DNAAF9: variants seen among roughly 807,000 people sequenced by gnomAD.
DNAAF9 encodes dynein axonemal assembly factor 9.
In DNAAF9, 90 loss-of-function variants were observed where a neutral mutation model predicts 167.0. The ratio of observed to expected loss-of-function variants is 0.54; its 90% CI spans 0.45 to 0.64. The LOEUF (loss-of-function observed/expected upper bound fraction) is 0.64. Ranked by LOEUF, DNAAF9 falls within the 30% of genes least tolerant of loss-of-function variation. DNAAF9 has a pLI of 0.00. For missense variants in DNAAF9, 1,315 were observed against 1,442.2 expected, an observed-to-expected ratio of 0.91 and a Z score of 1.43; for synonymous variants, 491 against 508.8, an observed-to-expected ratio of 0.96 and a Z score of 0.47.
At chr20:3,309,183 T>G (rs2069358453) in intron 20 of DNAAF9, among the ~76,000 whole-genome samples, 1 of 152,122 alleles carries the variant, frequency 6.6e-6, no homozygotes, top group African/African-American at 2.4e-5. Context: ...TTCAAAAAAC[T>G]TGTTGGTTTT....
At chr20:3,268,366 G>A (rs1452781727) in intron 30 of DNAAF9, among the ~76,000 whole-genome samples, 3 of 134,418 alleles carry the variant, frequency 2.2e-5, no homozygotes, top group Admixed American at 7.5e-5. Flanking sequence ...GTTTCTCTTT[G>A]TCGCCCACCT....
At chr20:3,386,337 ACT>A (rs2083736967) in intron 1 of DNAAF9, among the ~76,000 whole-genome samples, 1 of 152,198 alleles carries the variant, frequency 6.6e-6, no homozygotes, top group African/African-American at 2.4e-5. Flanking sequence ...CACAAGTACA[ACT>A]AACTAATTTT....
At chr20:3,318,234 CA>C (rs59462924) in intron 17 of DNAAF9, 54 bp downstream of exon 17, 60,437 of 613,966 alleles carry the variant, frequency 0.098, 1,547 homozygotes, top group African/African-American at 0.27. Context: ...TTTATTTTGC[CA>C]AAAAAAAAAA....
chr20:3,268,896 A>ACTTTT (rs2068536388), intron 30 of DNAAF9, among the ~76,000 whole-genome samples: 1 of 80,840 alleles, frequency 1.2e-5, no homozygotes, highest in Non-Finnish European at 2.5e-5. Context: ...TCTCTATGTT[A>ACTTTT]CTTTTTTTTT....
In DNAAF9 at chr20:3,304,440, C is replaced by A; in HGVS notation, c.1782G>T (p.Gly594=). ...AGCCACTGACTAGTAAAACACCTAC[C>A]CCATCATAGAAGGAAATGGAATTCA... The part of the protein sequence containing the change: ...DHMNSISFYD[G]DSTSTVAALL... The change falls in exon 21 of 37, where the codon GGG becomes GGT. Residue 594 remains glycine (G), a splice_region_variant and synonymous_variant. Coordinates refer to ENST00000252032, the MANE Select transcript of DNAAF9 (RefSeq NM_001009984.3). 7.4e-7 allele frequency: 1 copy of A among 1,347,218 alleles called. No homozygotes were observed. Among genetic ancestry groups the A allele is most frequent in the African/African-American group, 1.4e-5 (1 of 69,886 alleles). 83.5% of individuals were successfully genotyped at this position (1,347,218 alleles called of 1,614,324 possible).
intron 6 of DNAAF9, among the ~76,000 whole-genome samples, chr20:3,372,840 C>T (rs1356638862): frequency 1.3e-5 from 2 of 152,182 alleles, no homozygotes; most frequent in Non-Finnish European, 2.9e-5. Context: ...AGTCAATTCA[C>T]ATAAAGTGCT....
intron 1 of DNAAF9, among the ~76,000 whole-genome samples, chr20:3,390,267 A>G (rs895225698): frequency 6.6e-6 from 1 of 152,108 alleles, no homozygotes; most frequent in Non-Finnish European, 1.5e-5. Flanking sequence ...ATAAAAGAAG[A>G]CAGATTGAGA....
At chr20:3,270,297 C>G (rs1421370179) in intron 30 of DNAAF9, 130 bp downstream of exon 30, 1 of 815,824 alleles carries the variant, frequency 1.2e-6, no homozygotes, top group African/African-American at 1.7e-5. Context: ...TGCGTGCCAC[C>G]GCACCTGGCT....
intron 1 of DNAAF9, among the ~76,000 whole-genome samples, chr20:3,383,517 C>T (rs552562333): frequency 1.8e-4 from 27 of 152,030 alleles, no homozygotes; most frequent in African/African-American, 6.0e-4. Context: ...ATCCGTCCGC[C>T]TCATGCCTTA....
chr20:3,397,707 G>A (rs1218287094), intron 1 of DNAAF9, among the ~76,000 whole-genome samples: 1 of 76,660 alleles, frequency 1.3e-5, no homozygotes, highest in East Asian at 3.7e-4. Flanking sequence ...TAAATTTTAA[G>A]CAGATTTTTT....
intron 1 of DNAAF9, among the ~76,000 whole-genome samples, chr20:3,399,478 G>A (rs1294854636): frequency 1.3e-5 from 2 of 152,122 alleles, no homozygotes; most frequent in Admixed American, 6.5e-5. Flanking sequence ...AAAGTGCTGG[G>A]ATTACAGGCA....
chr20:3,399,074 G>A (rs2083948223), intron 1 of DNAAF9, among the ~76,000 whole-genome samples: 1 of 152,152 alleles, frequency 6.6e-6, no homozygotes, highest in African/African-American at 2.4e-5. Flanking sequence ...ATTATTCAAT[G>A]ATTTAAATTT....
intron 1 of DNAAF9, among the ~76,000 whole-genome samples, chr20:3,397,829 T>C (rs2083932052): frequency 6.6e-6 from 1 of 152,188 alleles, no homozygotes; most frequent in South Asian, 2.1e-4. Flanking sequence ...GTAGTACTGT[T>C]GTTTTACCAT....
At chr20:3,355,458 C>T (rs575733149) in intron 7 of DNAAF9, among the ~76,000 whole-genome samples, 10 of 152,118 alleles carry the variant, frequency 6.6e-5, no homozygotes, top group Admixed American at 2.0e-4. Context: ...ACCTGTAGTC[C>T]CGGCTACTCA....
intron 7 of DNAAF9, among the ~76,000 whole-genome samples, chr20:3,354,283 T>G (rs1022842050): frequency 6.6e-6 from 1 of 152,200 alleles, no homozygotes; most frequent in Non-Finnish European, 1.5e-5. Context: ...ATGGATACTG[T>G]TGTAAGTAAG....
intron 4 of DNAAF9, among the ~76,000 whole-genome samples, chr20:3,375,726 T>C (rs746940372): frequency 6.6e-6 from 1 of 152,044 alleles, no homozygotes; most frequent in Non-Finnish European, 1.5e-5. Context: ...CAGGTGCCTG[T>C]TGTCCCAGCT....
At chr20:3,253,513 G>C (rs769518953) in intron 36 of DNAAF9, among the ~76,000 whole-genome samples, 3 of 152,126 alleles carry the variant, frequency 2.0e-5, no homozygotes, top group Admixed American at 1.3e-4. Context: ...ACTCAATAAA[G>C]GAGCAATTTA....
At chr20:3,383,708 T>G (rs193061786) in intron 1 of DNAAF9, among the ~76,000 whole-genome samples, 202 of 152,132 alleles carry the variant, frequency 1.3e-3, no homozygotes, top group African/African-American at 4.5e-3. Context: ...TCTCCTCCAG[T>G]ACACTGCCTT....
Position 3,253,127 on chromosome 20 carries a change from C to T in DNAAF9, c.3422-443G>A, listed in dbSNP as rs1161897191. ...TCACTTGAGCCCAGGAGTTTGAGACCAGCCTGGGCAACATGGCGAGACCTA... is the reference window on the plus strand; with the variant it reads ...TCACTTGAGCCCAGGAGTTTGAGACTAGCCTGGGCAACATGGCGAGACCTA... On this transcript the variant is annotated intron_variant, in intron 36 of 36. Coordinates refer to ENST00000252032, the MANE Select transcript of DNAAF9 (RefSeq NM_001009984.3). 3.3e-5 allele frequency among the ~76,000 whole-genome samples: 5 copies of T among 152,228 alleles called. No homozygotes were observed. The East Asian group carries it at 9.6e-4, about 29-fold the overall frequency.
Sources: gnomAD v4.1 joint callset for allele counts (sites outside exome capture counted in the v4.1 genomes callset) on GRCh38, gnomAD v4.1.1 for gene constraint, MANE v1.5 for transcripts, NCBI Gene and HGNC (gene_info 2026-07-23, HGNC 2026-07-21) for gene names.